Variants in CACNA2D3 observed in about 807,000 individuals in gnomAD.
CACNA2D3 encodes the protein calcium voltage-gated channel auxiliary subunit alpha2delta 3.
Under a neutral mutation model 160.6 loss-of-function variants are expected in CACNA2D3, and 60 were observed. The ratio of observed to expected loss-of-function variants is 0.37; its 90% confidence interval spans 0.30 to 0.46. The LOEUF is 0.46. CACNA2D3 is among the 20% of genes least tolerant of loss of function. The pLI, the probability that CACNA2D3 is intolerant of heterozygous loss-of-function variation, is 1.00. For missense variants in CACNA2D3, 1,205 were observed against 1,365.0 expected (o/e 0.88, Z 1.85); for synonymous variants, 558 against 492.9 (o/e 1.13, Z -1.75).
intron 14 of CACNA2D3, among the ~76,000 whole-genome samples, chr3:54,830,293 G>A (rs1271127449): frequency 6.6e-6 from 1 of 151,820 alleles, no homozygotes; most frequent in Non-Finnish European, 1.5e-5. Flanking sequence ...ATAATGTCTC[G>A]TCTGATTTAT....
intron 9 of CACNA2D3, among the ~76,000 whole-genome samples, chr3:54,594,496 T>C (rs1368687285): frequency 2.0e-5 from 3 of 152,182 alleles, no homozygotes; most frequent in African/African-American, 7.2e-5. Context: ...GAATTGGTAG[T>C]TGAGAGCATG....
intron 2 of CACNA2D3, among the ~76,000 whole-genome samples, chr3:54,221,858 T>A (rs1701580213): frequency 6.6e-6 from 1 of 152,132 alleles, no homozygotes; most frequent in Admixed American, 6.5e-5. Context: ...TGAAAAAAAA[T>A]ATTTTTTTGA....
At position 54,833,289 on chromosome 3, in the gene CACNA2D3, G is replaced by A. The variant is rs573124242; in HGVS notation, c.1399-3870G>A. Among the ~76,000 whole-genome samples the A allele has an allele frequency of 5.3e-5, 8 of 152,310 alleles. No homozygotes were observed. In the South Asian group the frequency reaches 1.5e-3, roughly 28 times the overall value. ...TTTCAGAGGCCTGCTTAAAGCCTGG[G>A]CAAGTGTAATTGCATAGCAGTTCAT... On this transcript the variant is annotated intron_variant, in intron 14 of 37. Coordinates refer to ENST00000474759, the MANE Select transcript of CACNA2D3 (RefSeq NM_018398.3).
Position 54,700,380 on chromosome 3 carries a change from C to T in CACNA2D3, c.1168-52219C>T, listed in dbSNP as rs188325700. Among the ~76,000 whole-genome samples, 3 of 152,314 alleles carry T rather than the reference C, an allele frequency of 2.0e-5. No individual in the cohort carries two copies. The East Asian group carries it at 5.8e-4, about 29-fold the overall frequency. ...CATGGTGGCCATCAGCCACTTGTGG[C>T]CACTTAAAATTCACATTTAATTTAA... On this transcript the variant is annotated intron_variant, in intron 11 of 37. Coordinates refer to ENST00000474759, the MANE Select transcript of CACNA2D3 (RefSeq NM_018398.3).
intron 10 of CACNA2D3, chr3:54,637,580 A>C (rs1699406190): frequency 6.6e-6 from 1 of 151,962 alleles, no homozygotes; most frequent in Non-Finnish European, 1.5e-5. Context: ...GTCAATACTC[A>C]CAACAGTTAT....
rs138103748 is a variant in CACNA2D3, at chr3:54,814,056, A to T, written c.1381-2797A>T. On this transcript the variant is annotated intron_variant, in intron 13 of 37. Transcript: ENST00000474759. ...AATTTTTTTTGTATTTTTTGTAGAGATGGAGTTTCACTATGTTGCCCAGGC... is the reference window on the plus strand; with the variant it reads ...AATTTTTTTTGTATTTTTTGTAGAGTTGGAGTTTCACTATGTTGCCCAGGC... Among the ~76,000 whole-genome samples, 770 of 151,746 alleles carry T rather than the reference A, an allele frequency of 5.1e-3. 7 individuals are homozygous for T. The highest frequency in any genetic ancestry group is 0.017 in the African/African-American group (694 of 41,352).
At chr3:54,815,202 C>A (rs1451175283) in intron 13 of CACNA2D3, among the ~76,000 whole-genome samples, 1 of 152,108 alleles carries the variant, frequency 6.6e-6, no homozygotes, top group Non-Finnish European at 1.5e-5. Context: ...GTAGGAGGAA[C>A]AAATCAGGAA....
chr3:54,771,877 C>T (rs1365882753), intron 13 of CACNA2D3, among the ~76,000 whole-genome samples: 1 of 152,064 alleles, frequency 6.6e-6, no homozygotes, highest in East Asian at 1.9e-4. Flanking sequence ...GGTCTCTGTC[C>T]ATGTGCTCTG....
At chr3:54,865,617 A>C (rs1216668085) in intron 17 of CACNA2D3, among the ~76,000 whole-genome samples, 1 of 152,228 alleles carries the variant, frequency 6.6e-6, no homozygotes, top group Non-Finnish European at 1.5e-5. Context: ...ACAAATGAGC[A>C]CCAAGTCAGG....
intron 34 of CACNA2D3, among the ~76,000 whole-genome samples, chr3:55,013,623 A>G (rs1386938707): frequency 6.6e-6 from 1 of 152,166 alleles, no homozygotes; most frequent in Non-Finnish European, 1.5e-5. Context: ...TCTTTGTTTT[A>G]GCTAAAAATG....
intron 11 of CACNA2D3, among the ~76,000 whole-genome samples, chr3:54,698,778 C>T (rs1489470567): frequency 6.6e-6 from 1 of 152,176 alleles, no homozygotes; most frequent in Non-Finnish European, 1.5e-5. Context: ...TAACACTTTT[C>T]ATATCTTATG....
chr3:54,789,966 G>A, intron 13 of CACNA2D3: 1 of 433,564 alleles, frequency 2.3e-6, no homozygotes, highest in Non-Finnish European at 4.7e-6. Flanking sequence ...GCAATATGGA[G>A]CTATTCGAGA....
intron 11 of CACNA2D3, among the ~76,000 whole-genome samples, chr3:54,723,722 C>A (rs1701221034): frequency 6.6e-6 from 1 of 152,172 alleles, no homozygotes; most frequent in Non-Finnish European, 1.5e-5. Flanking sequence ...ACCCACTGTC[C>A]AACCATTCTC....
intron 9 of CACNA2D3, among the ~76,000 whole-genome samples, chr3:54,610,731 G>C (rs1428701813): frequency 6.6e-6 from 1 of 152,006 alleles, no homozygotes; most frequent in African/African-American, 2.4e-5. Flanking sequence ...CCAGATTCAA[G>C]TGATTCTTCT....
chr3:54,646,639 C>G (rs1403083768), intron 11 of CACNA2D3, among the ~76,000 whole-genome samples: 1 of 152,180 alleles, frequency 6.6e-6, no homozygotes, highest in East Asian at 1.9e-4. Flanking sequence ...ACCACATTTT[C>G]TGTATCCAGT....
At chr3:54,263,608 G>A (rs1174881397) in intron 2 of CACNA2D3, among the ~76,000 whole-genome samples, 1 of 152,208 alleles carries the variant, frequency 6.6e-6, no homozygotes, top group African/African-American at 2.4e-5. Context: ...TTCAATCTAT[G>A]AAGCAGTGTG....
At chr3:54,845,247 A>G (rs1698908727) in intron 16 of CACNA2D3, among the ~76,000 whole-genome samples, 2 of 152,224 alleles carry the variant, frequency 1.3e-5, no homozygotes, top group African/African-American at 4.8e-5. Context: ...CCAGTGTTAA[A>G]TTCTCTGAAG....
Position 54,957,960 on chromosome 3 carries a change from A to G in CACNA2D3, c.2450-10490A>G, listed in dbSNP as rs1180039611. 2.0e-5 allele frequency among the ~76,000 whole-genome samples: 3 copies of G among 152,210 alleles called. No homozygotes were observed. In the East Asian group the frequency reaches 5.8e-4, roughly 29 times the overall value. On this transcript the variant is annotated intron_variant, in intron 27 of 37. Transcript: ENST00000474759. ...TTGGGACAGAGTCCAAACCACATGG[A>G]TGGCAGAGGTAGATGTCTGGAGAGA...
At chr3:54,581,293 T>G (rs1702673191) in intron 8 of CACNA2D3, among the ~76,000 whole-genome samples, 1 of 152,190 alleles carries the variant, frequency 6.6e-6, no homozygotes. Flanking sequence ...TATGGGAAAT[T>G]GTGCATGGAC....
Sources: gnomAD v4.1 joint callset for allele counts (sites outside exome capture counted in the v4.1 genomes callset) on GRCh38, gnomAD v4.1.1 for gene constraint, MANE v1.5 for transcripts, NCBI Gene and HGNC (gene_info 2026-07-23, HGNC 2026-07-21) for gene names.